Variants in SEPTIN8 observed in about 807,000 individuals in gnomAD.
The protein encoded by SEPTIN8 is septin 8.
SEPTIN8 carries 22 observed loss-of-function variants against 53.1 expected under a neutral mutation model. The observed-to-expected ratio is 0.41, with a 90% CI of 0.30 to 0.59. The LOEUF (loss-of-function observed/expected upper bound fraction) is 0.59, where lower values mean the gene tolerates loss of function less well. Among genes scored for constraint, SEPTIN8 ranks in the 20% least tolerant of loss-of-function variants. The pLI, the probability that SEPTIN8 is intolerant of heterozygous loss-of-function variation, is 0.24. For synonymous variants in SEPTIN8, 228 were observed against 248.4 expected (o/e 0.92, Z 0.77); for missense variants, 536 against 638.7 (o/e 0.84, Z 1.73).
intron 1 of SEPTIN8, among the ~76,000 whole-genome samples, chr5:132,770,254 C>T (rs1757188762): frequency 6.6e-6 from 1 of 150,504 alleles, no homozygotes; most frequent in African/African-American, 2.4e-5. Context: ...TCTCAGCTCA[C>T]TGTAACCTCC....
At position 132,760,995 on chromosome 5, in the gene SEPTIN8, G is replaced by C; in HGVS notation, c.1096-3C>G. 2 of 1,580,710 alleles carry C rather than the reference G, an allele frequency of 1.3e-6. No individual in the cohort carries two copies. Among genetic ancestry groups the C allele is most frequent in the Non-Finnish European group, 1.7e-6 (2 of 1,163,444 alleles). On this transcript the variant is annotated splice_polypyrimidine_tract_variant and splice_region_variant and intron_variant, in intron 8 of 9. Coordinates refer to ENST00000378719, the MANE Select transcript of SEPTIN8 (RefSeq NM_001098811.2). This position sits in a 1 kb window ranked among gnomAD's most constrained non-coding sequence, Gnocchi z 5.2. ...AGGTGCTCAAACTTCTCATGGAGCT[G>C]GCATCAGAAAGGGGGCAGAAGATGC...
upstream of SEPTIN8, among the ~76,000 whole-genome samples, chr5:132,778,395 C>G (rs2150014789): frequency 6.6e-6 from 1 of 152,294 alleles, no homozygotes; most frequent in Non-Finnish European, 1.5e-5. Flanking sequence ...TTAAGAGGAG[C>G]CCCCTCTCTG....
chr5:132,768,313 T>G, intron 1 of SEPTIN8, among the ~76,000 whole-genome samples: 1 of 150,512 alleles, frequency 6.6e-6, no homozygotes, highest in African/African-American at 2.5e-5. Context: ...CTATGGAGCA[T>G]GCATGCACAC....
In SEPTIN8 at chr5:132,761,822, C is replaced by T. The variant is rs1415267261; in HGVS notation, c.771G>A (p.Gln257=). The T allele has an allele frequency of 6.2e-7, 1 of 1,608,904 alleles. No individual in the cohort carries two copies. The highest frequency in any genetic ancestry group is 1.3e-5 in the African/African-American group (1 of 74,948). The change falls in exon 6 of 10, where the codon CAG becomes CAA. Residue 257 remains glutamine (Q), a synonymous_variant. Transcript: ENST00000378719. This position sits in a 1 kb window ranked among gnomAD's most constrained non-coding sequence, Gnocchi z 5.8. ...KVGNKLVRAR[Q]YPWGVVQVEN... ...CACCCTGCACCACTCCCCAGGGGTA[C>T]TGCCGTGCTCGGACCAGCTTGTTCC...
intron 1 of SEPTIN8, among the ~76,000 whole-genome samples, chr5:132,767,816 G>A (rs767786112): frequency 5.9e-5 from 9 of 151,942 alleles, no homozygotes; most frequent in Non-Finnish European, 1.3e-4. Context: ...AATTTAAGGC[G>A]TGCTGTGCTT....
chr5:132,756,580 T>C, intron 9 of SEPTIN8: 1 of 985,414 alleles, frequency 1.0e-6, no homozygotes, highest in Non-Finnish European at 1.2e-6. Context: ...TTAAGCTCAC[T>C]TTATGCACCA....
chr5:132,766,272 C>A (rs1261742886), intron 1 of SEPTIN8, among the ~76,000 whole-genome samples: 2 of 152,208 alleles, frequency 1.3e-5, no homozygotes, highest in African/African-American at 2.4e-5. Context: ...TGGCTCCTGA[C>A]TCCTGCCACC....
In SEPTIN8 at chr5:132,761,002, G is replaced by A. The variant is rs372451001; in HGVS notation, c.1096-10C>T. 6.9e-5 allele frequency: 109 copies of A among 1,581,362 alleles called. No individual in the cohort carries two copies. The highest frequency in any genetic ancestry group is 8.9e-5 in the Non-Finnish European group (104 of 1,163,678). ...CAAACTTCTCATGGAGCTGGCATCA[G>A]AAAGGGGGCAGAAGATGCGGGGAGC... On this transcript the variant is annotated splice_polypyrimidine_tract_variant and intron_variant, in intron 8 of 9. Coordinates refer to ENST00000378719, the MANE Select transcript of SEPTIN8 (RefSeq NM_001098811.2). This position sits in a 1 kb window ranked among gnomAD's most constrained non-coding sequence, Gnocchi z 5.8.
chr5:132,759,905 G>A (rs1438943009), intron 9 of SEPTIN8, among the ~76,000 whole-genome samples: 28 of 152,100 alleles, frequency 1.8e-4, no homozygotes, highest in Non-Finnish European at 3.8e-4. Context: ...TATGAAGATC[G>A]CCAGGGAGAA....
intron 4 of SEPTIN8, 29 bp downstream of exon 4, chr5:132,763,677 C>A: frequency 6.3e-7 from 1 of 1,598,992 alleles, no homozygotes; most frequent in Non-Finnish European, 8.6e-7. Context: ...GACTATGGAG[C>A]CTGTGACAGC....
intron 9 of SEPTIN8, among the ~76,000 whole-genome samples, chr5:132,754,841 C>T (rs1302358631): frequency 6.6e-6 from 1 of 152,056 alleles, no homozygotes; most frequent in Non-Finnish European, 1.5e-5. Context: ...TATTGAAAGG[C>T]AGGGATTGGT....
Position 132,761,733 on chromosome 5 carries a change from T to A in SEPTIN8, c.793+67A>T, listed in dbSNP as rs113048692. On this transcript the variant is annotated intron_variant, in intron 6 of 9. Coordinates refer to ENST00000378719, the MANE Select transcript of SEPTIN8 (RefSeq NM_001098811.2). This position sits in a 1 kb window ranked among gnomAD's most constrained non-coding sequence, Gnocchi z 5.8. ...ATGAGGAGGAAACAGCACAGGGTAC[T>A]ACAGGCAGCAGGGCAGGCCAGGGAA... 4,854 of 1,583,816 alleles carry A rather than the reference T, an allele frequency of 3.1e-3. 103 individuals are homozygous for A. In the African/African-American group the frequency reaches 0.041, roughly 13 times the overall value.
rs1016403709 is a variant in SEPTIN8 at position 132,777,025 on chromosome 5, C to T, written c.30+83G>A. 5 of 921,652 alleles carry T rather than the reference C, an allele frequency of 5.4e-6. No individual in the cohort carries two copies. The highest frequency in any genetic ancestry group is 4.9e-5 in the East Asian group (1 of 20,580). 57.1% of individuals were successfully genotyped at this position (921,652 alleles called of 1,614,324 possible). A position where few individuals can be genotyped will look rare whatever the true frequency, so the allele number is the denominator to read the frequency against. On this transcript the variant is annotated intron_variant, in intron 1 of 9. Transcript: ENST00000378719. This position sits in a 1 kb window ranked among gnomAD's most constrained non-coding sequence, Gnocchi z 4.1. ...CCGGCCGTGAGGCGCTGACAGCCCGCTTCGCGCCCCCCGCCAGCTGCAGGG... is the reference window on the plus strand; with the variant it reads ...CCGGCCGTGAGGCGCTGACAGCCCGTTTCGCGCCCCCCGCCAGCTGCAGGG...
chr5:132,759,171 G>A (rs1318031383), intron 9 of SEPTIN8, among the ~76,000 whole-genome samples: 2 of 152,200 alleles, frequency 1.3e-5, no homozygotes, highest in African/African-American at 4.8e-5. Context: ...GCAGGAAGGA[G>A]TACTCCCAGT....
At chr5:132,754,384 G>A (rs544467316) in intron 9 of SEPTIN8, 1 of 717,332 alleles carries the variant, frequency 1.4e-6, no homozygotes, top group South Asian at 1.5e-5. Flanking sequence ...CACAGTGCAT[G>A]AGGCAGAAGG....
intron 9 of SEPTIN8, chr5:132,758,571 C>T: frequency 6.2e-7 from 1 of 1,612,016 alleles, no homozygotes; most frequent in Non-Finnish European, 8.5e-7. Context: ...AAAAAATAAA[C>T]CTCGTCAGTT....
intron 1 of SEPTIN8, among the ~76,000 whole-genome samples, chr5:132,767,115 C>G (rs1756681941): frequency 6.6e-6 from 1 of 152,154 alleles, no homozygotes. Context: ...ATAGCTGACC[C>G]TTTCTCCCCA....
intron 1 of SEPTIN8, among the ~76,000 whole-genome samples, chr5:132,768,535 G>A (rs937488047): frequency 1.3e-5 from 2 of 152,204 alleles, no homozygotes; most frequent in Non-Finnish European, 2.9e-5. Flanking sequence ...CCTGAGTGGG[G>A]TTACAACCTA....
intron 1 of SEPTIN8, among the ~76,000 whole-genome samples, chr5:132,772,824 G>T (rs1258063646): frequency 6.6e-6 from 1 of 152,124 alleles, no homozygotes; most frequent in Non-Finnish European, 1.5e-5. Context: ...AGTGGGCTTG[G>T]GTCCATACCC....
Sources: allele counts gnomAD v4.1 joint callset (sites outside exome capture counted in the v4.1 genomes callset), GRCh38; gene constraint gnomAD v4.1.1; non-coding constraint Gnocchi (gnomAD v3.1); transcripts MANE v1.5; gene names NCBI Gene and HGNC (gene_info 2026-07-23, HGNC 2026-07-21).